The following MARK2 variants were observed in gnomAD, a reference collection of about 807,000 sequenced individuals.
MARK2 encodes the protein microtubule affinity regulating kinase 2.
In MARK2, 16 loss-of-function variants were observed where a neutral mutation model predicts 89.8. The observed-to-expected ratio is 0.18, with a 90% CI of 0.12 to 0.27. The LOEUF is 0.27. Ranked by LOEUF, MARK2 falls within the 10% of genes least tolerant of loss-of-function variation. The pLI is 1.00. For synonymous variants in MARK2, 382 were observed against 399.5 expected, an observed-to-expected ratio of 0.96 and a Z score of 0.52; for missense variants, 621 against 1,049.9, an observed-to-expected ratio of 0.59 and a Z score of 5.65.
rs140312125 is a variant in MARK2, at chr11:63,862,588, C to G, written c.54+23028C>G. Among the ~76,000 whole-genome samples, 648 of 152,230 alleles carry G rather than the reference C, an allele frequency of 4.3e-3. 6 individuals are homozygous for G. The highest frequency in any genetic ancestry group is 0.012 in the South Asian group (60 of 4,820). ...GGAGCAGCTTTCTGGGCTCACCTCC[C>G]TACTATTGAGGGCTCTACGCAAGAG... On this transcript the variant is annotated intron_variant, in intron 1 of 18. Coordinates refer to ENST00000402010, the MANE Select transcript of MARK2 (RefSeq NM_001039469.3).
Position 63,903,111 on chromosome 11 carries a change from G to C in MARK2, c.1467G>C (p.Leu489Phe). ...ATCGAAGCAGGAATTCCCCACTTTTGGAGCGGGCCAGCCTCGGCCAGGCCT... is the reference window on the plus strand; with the variant it reads ...ATCGAAGCAGGAATTCCCCACTTTTCGAGCGGGCCAGCCTCGGCCAGGCCT... The part of the protein sequence containing the change: ...STNRSRNSPL[L>F]ERASLGQASI... The change falls in exon 14 of 19, where the codon TTG becomes TTC. Residue 489 changes from leucine to phenylalanine, a missense_variant. Leu to Phe is a conservative substitution (Grantham distance 22, BLOSUM62 0). This residue lies in a region of MARK2 where 397 missense variants were observed against 567.8 expected (regional missense o/e 0.70). Transcript: ENST00000402010. This position sits in a 1 kb window ranked among gnomAD's most constrained non-coding sequence, Gnocchi z 5.1. The C allele has an allele frequency of 6.2e-7, 1 of 1,614,040 alleles. No individual in the cohort carries two copies. The highest frequency in any genetic ancestry group is 8.5e-7 in the Non-Finnish European group (1 of 1,179,994).
At chr11:63,889,594 C>T (rs568254516) in intron 1 of MARK2, among the ~76,000 whole-genome samples, 8 of 152,316 alleles carry the variant, frequency 5.3e-5, no homozygotes, top group East Asian at 3.9e-4. Context: ...AGATCCCAGG[C>T]GGAAGGGGCC....
intron 1 of MARK2, among the ~76,000 whole-genome samples, chr11:63,880,907 T>C (rs1939048298): frequency 6.6e-6 from 1 of 152,260 alleles, no homozygotes; most frequent in Non-Finnish European, 1.5e-5. Flanking sequence ...CCAGAGACCG[T>C]CATGAAGACA....
chr11:63,867,391 C>T (rs1205537492), intron 1 of MARK2, among the ~76,000 whole-genome samples: 1 of 152,158 alleles, frequency 6.6e-6, no homozygotes, highest in Non-Finnish European at 1.5e-5. Flanking sequence ...AAACAGACAA[C>T]CAATAATTGG....
At chr11:63,894,993 T>C (rs935577869) in intron 1 of MARK2, among the ~76,000 whole-genome samples, 166 bp from the exon 2 acceptor site, 3 of 152,180 alleles carry the variant, frequency 2.0e-5, no homozygotes, top group African/African-American at 7.2e-5. Context: ...GAAGACTGGC[T>C]GTCACCTCAG....
chr11:63,854,284 C>T (rs945147176), intron 1 of MARK2, among the ~76,000 whole-genome samples: 1 of 151,432 alleles, frequency 6.6e-6, no homozygotes, highest in Admixed American at 6.6e-5. Context: ...ACTGCAACCT[C>T]TGCCTCCCGG....
At chr11:63,872,887 G>GCCCCCA (rs1369661730) in intron 1 of MARK2, among the ~76,000 whole-genome samples, 31 of 66,874 alleles carry the variant, frequency 4.6e-4, no homozygotes, top group African/African-American at 1.6e-3. Context: ...ACTTCTCCCT[G>GCCCCCA]CCCCCACCCC....
At chr11:63,868,825 G>T (rs1415043217) in intron 1 of MARK2, 2 of 456,128 alleles carry the variant, frequency 4.4e-6, no homozygotes, top group Admixed American at 4.7e-5. Flanking sequence ...TCTGTCAGAA[G>T]GCTGGAGTTA....
chr11:63,895,407 G>A, intron 2 of MARK2, 69 bp downstream of exon 2: 1 of 1,527,700 alleles, frequency 6.5e-7, no homozygotes, highest in Non-Finnish European at 9.0e-7. Context: ...GTGGTGATGG[G>A]ACTACTACTG....
chr11:63,896,113 G>A (rs571951205), intron 3 of MARK2, among the ~76,000 whole-genome samples: 38 of 152,234 alleles, frequency 2.5e-4, no homozygotes, highest in Non-Finnish European at 4.7e-4. Context: ...TGCTACCTTC[G>A]GGGCTTTGGT....
chr11:63,876,959 G>A (rs1259390436), intron 1 of MARK2, among the ~76,000 whole-genome samples: 1 of 152,052 alleles, frequency 6.6e-6, no homozygotes, highest in African/African-American at 2.4e-5. Flanking sequence ...TACCACAGAA[G>A]TTAGAAAGCT....
chr11:63,898,512 G>T, intron 4 of MARK2, 96 bp from the exon 5 acceptor site: 1 of 1,017,950 alleles, frequency 9.8e-7, no homozygotes, highest in South Asian at 1.3e-5. Context: ...TGAAAGGAGG[G>T]GAGACTTTCG....
At chr11:63,895,738 CG>C in intron 3 of MARK2, 105 bp downstream of exon 3, 1 of 981,508 alleles carries the variant, frequency 1.0e-6, no homozygotes, top group East Asian at 2.4e-5. Context: ...GGTGTGATCT[CG>C]GCTCACTGCA....
At position 63,860,624 on chromosome 11, in the gene MARK2, C is replaced by T. The variant is rs1401514331; in HGVS notation, c.54+21064C>T. Among the ~76,000 whole-genome samples, 15 of 143,852 alleles carry T rather than the reference C, an allele frequency of 1.0e-4. No homozygotes were observed. The East Asian group carries it at 1.1e-3, about 10-fold the overall frequency. The allele number at this position is 143,852 out of a possible 152,430, so 94.4% of individuals were successfully genotyped here. A position where few individuals can be genotyped will look rare whatever the true frequency, so the allele number is the denominator to read the frequency against. On this transcript the variant is annotated intron_variant, in intron 1 of 18. Transcript: ENST00000402010. ...CTGTAATCCCAGCACTTTGGGAGGC[C>T]AGGGCGGGTGGATCACGAGGTCAGG...
intron 1 of MARK2, among the ~76,000 whole-genome samples, chr11:63,876,976 C>T (rs1036965678): frequency 6.6e-6 from 1 of 151,956 alleles, no homozygotes; most frequent in African/African-American, 2.4e-5. Context: ...AGCTCAAAGC[C>T]CAGGTCTTCT....
intron 1 of MARK2, among the ~76,000 whole-genome samples, chr11:63,851,398 A>G (rs1185923516): frequency 6.6e-6 from 1 of 151,772 alleles, no homozygotes; most frequent in Admixed American, 6.6e-5. Flanking sequence ...CAGCCTGGGC[A>G]ACATGGTGAG....
At chr11:63,847,634 A>G (rs1029512951) in intron 1 of MARK2, among the ~76,000 whole-genome samples, 2 of 151,572 alleles carry the variant, frequency 1.3e-5, no homozygotes, top group African/African-American at 2.4e-5. Context: ...TCTGTCAACA[A>G]CCCCCTTCTC....
intron 1 of MARK2, among the ~76,000 whole-genome samples, chr11:63,870,131 G>T (rs1364618628): frequency 1.3e-5 from 2 of 152,210 alleles, no homozygotes; most frequent in African/African-American, 4.8e-5. Context: ...GAAAGGACAA[G>T]TGGAAGGGTA....
chr11:63,866,531 G>C lies in MARK2; in HGVS notation c.54+26971G>C, dbSNP rs1051961851. Among the ~76,000 whole-genome samples, 14 of 152,048 alleles carry C rather than the reference G, an allele frequency of 9.2e-5. 1 individual carries two copies. On this transcript the variant is annotated intron_variant, in intron 1 of 18. Coordinates refer to ENST00000402010, the MANE Select transcript of MARK2 (RefSeq NM_001039469.3). ...AACCTTCATTATGACTGTGGTGTGA[G>C]GATTTTTCTCAATAAGAAATGTTTA...
Sources: gnomAD v4.1 joint callset for allele counts (sites outside exome capture counted in the v4.1 genomes callset) on GRCh38, gnomAD v4.1.1 for gene constraint, gnomAD v4.1.1 regional missense constraint, Gnocchi (gnomAD v3.1) non-coding constraint, MANE v1.5 for transcripts, NCBI Gene and HGNC (gene_info 2026-07-23, HGNC 2026-07-21) for gene names.